ITIH1: variants seen among roughly 807,000 people sequenced by gnomAD.
ITIH1 encodes the protein inter-alpha-trypsin inhibitor heavy chain H1.
In ITIH1, 94 loss-of-function variants were observed where a neutral mutation model predicts 104.6. The ratio of observed to expected loss-of-function variants is 0.90; its 90% CI spans 0.76 to 1.07. ITIH1 has a LOEUF of 1.07. Among genes scored for constraint, ITIH1 ranks in the 50% least tolerant of loss-of-function variants. The pLI is 0.00. For missense variants in ITIH1, 1,193 were observed against 1,181.4 expected, an observed-to-expected ratio of 1.01 and a Z score of -0.14; for synonymous variants, 455 against 464.4, an observed-to-expected ratio of 0.98 and a Z score of 0.26.
intron 12 of ITIH1, 127 bp downstream of exon 12, chr3:52,785,356 C>A: frequency 1.2e-6 from 1 of 862,994 alleles, no homozygotes; most frequent in Middle Eastern, 3.6e-4. Flanking sequence ...CTCATCCCCA[C>A]CATGCCACAT....
At position 52,782,024 on chromosome 3, in the gene ITIH1, GTGACCTACGA is replaced by G; in HGVS notation, c.775_784del (p.Thr259SerfsTer25). 1 of 1,614,098 alleles carries G rather than the reference GTGACCTACGA, an allele frequency of 6.2e-7. No individual in the cohort carries two copies. Among genetic ancestry groups the G allele is most frequent in the East Asian group, 2.2e-5 (1 of 44,872 alleles). On this transcript the variant is annotated frameshift_variant, in exon 7 of 22. Transcript: ENST00000273283. LOFTEE classifies it high-confidence loss of function. ...ATCCTTACTGAACGGGCACTTCAAG[GTGACCTACGA>G]TGTCAGTCGAGACAAGATCTGCGAC...
At chr3:52,791,084 G>T (rs1699344469) in intron 20 of ITIH1, among the ~76,000 whole-genome samples, 163 bp downstream of exon 20, 1 of 152,222 alleles carries the variant, frequency 6.6e-6, no homozygotes, top group Non-Finnish European at 1.5e-5. Context: ...TGTTGGTGAG[G>T]CTGTGAGCAA....
intron 6 of ITIH1, among the ~76,000 whole-genome samples, chr3:52,780,819 C>T (rs988170535): frequency 1.4e-4 from 22 of 152,356 alleles, no homozygotes; most frequent in African/African-American, 3.8e-4. Flanking sequence ...GCCTACCCAA[C>T]GACTTGTCGC....
intron 13 of ITIH1, 102 bp from the exon 14 acceptor site, chr3:52,786,839 CGAAT>C (rs36051478): frequency 0.4 from 465,182 of 1,167,850 alleles, 95,465 homozygotes; most frequent in Admixed American, 0.55. Flanking sequence ...ACTTATGTGT[CGAAT>C]GAATGAATGA....
chr3:52,780,212 C>A, intron 5 of ITIH1, 57 bp from the exon 6 acceptor site: 2 of 1,385,610 alleles, frequency 1.4e-6, no homozygotes, highest in African/African-American at 1.4e-5. Flanking sequence ...CCAGCCTGGG[C>A]AACAAAGCAA....
In ITIH1 at chr3:52,777,637, CG is replaced by C; in HGVS notation, c.27del (p.Leu10CysfsTer47). The C allele has an allele frequency of 6.3e-7, 1 of 1,593,568 alleles. No homozygotes were observed. On this transcript the variant is annotated frameshift_variant, in exon 1 of 22. Transcript: ENST00000273283. LOFTEE classifies it high-confidence loss of function. Reference sequence around the variant, plus strand: ...GAGCATGGACGGTGCCATGGGGCCTCGGGGGCTGCTGTTGTGCATGTACCTG... The same window carrying C: ...GAGCATGGACGGTGCCATGGGGCCTCGGGGCTGCTGTTGTGCATGTACCTG... MDGAMGP[R>X]GLLLCMYLVS... is the part of the protein sequence containing the mutation.
At position 52,785,245 on chromosome 3, in the gene ITIH1, T is replaced by C. The variant is rs768613962; in HGVS notation, c.1593+16T>C. The C allele has an allele frequency of 3.5e-5, 56 of 1,611,972 alleles. No homozygotes were observed. Among genetic ancestry groups the C allele is most frequent in the Non-Finnish European group, 4.1e-5 (48 of 1,178,594 alleles). ...GGCCCATGGGGTAAATGGTGGGCCA[T>C]GGAGGGTGGAGAGGCCAGGCAGCAC... On this transcript the variant is annotated intron_variant, in intron 12 of 21. Coordinates refer to ENST00000273283, the MANE Select transcript of ITIH1 (RefSeq NM_002215.4).
At chr3:52,781,318 T>C (rs200906065) in intron 6 of ITIH1, among the ~76,000 whole-genome samples, 1 of 115,828 alleles carries the variant, frequency 8.6e-6, no homozygotes, top group African/African-American at 3.0e-5. Flanking sequence ...TTCTTCTCCT[T>C]CTCCTTCTTC....
rs760634694 is a variant in ITIH1, at chr3:52,787,548, C to T, written c.1904-44C>T. 1.2e-5 allele frequency: 19 copies of T among 1,613,142 alleles called. No individual in the cohort carries two copies. In the Admixed American group the frequency reaches 1.5e-4, roughly 13 times the overall value. On this transcript the variant is annotated intron_variant, in intron 15 of 21. Coordinates refer to ENST00000273283, the MANE Select transcript of ITIH1 (RefSeq NM_002215.4). ...GCTGCATGCCTTTCGTGTGGGGCAC[C>T]GTGGGTGACACTGTCTTCGATAATA...
At position 52,778,351 on chromosome 3, in the gene ITIH1, C is replaced by A. The variant is rs778906002; in HGVS notation, c.150C>A (p.Gly50=). ...KRQAVDTAVD[G]VFIRSLKVNC... ...ATGTCTCACTTTAGGCTGTCGATGGCGTGTTCATCCGGAGTTTGAAAGTCA... is the reference window on the plus strand; with the variant it reads ...ATGTCTCACTTTAGGCTGTCGATGGAGTGTTCATCCGGAGTTTGAAAGTCA... Residue 50 remains glycine (G), a synonymous_variant, in exon 3 of 22, where the codon GGC becomes GGA. Coordinates refer to ENST00000273283, the MANE Select transcript of ITIH1 (RefSeq NM_002215.4). The A allele has an allele frequency of 3.1e-6, 5 of 1,614,190 alleles. No homozygotes were observed. The highest frequency in any genetic ancestry group is 1.7e-5 in the Admixed American group (1 of 60,028).
At chr3:52,780,156 G>A (rs983265098) in intron 5 of ITIH1, 113 bp from the exon 6 acceptor site, 225 of 960,734 alleles carry the variant, frequency 2.3e-4, no homozygotes, top group Non-Finnish European at 4.8e-5. Context: ...TCCCAGCTAC[G>A]TGGGAGGCTG....
chr3:52,777,729 C>A lies in ITIH1; in HGVS notation c.114C>A (p.Ser38Arg). 6.3e-7 allele frequency: 1 copy of A among 1,581,860 alleles called. No homozygotes were observed. The highest frequency in any genetic ancestry group is 8.6e-7 in the Non-Finnish European group (1 of 1,164,792). Residue 38 changes from serine to arginine, a missense_variant, in exon 1 of 22, where the codon AGC becomes AGA. Coordinates refer to ENST00000273283, the MANE Select transcript of ITIH1 (RefSeq NM_002215.4). ...LGSATGRSKS[S>R]EKRQAVDTAV... ...CGGCTACAGGCAGGTCCAAGAGCAG[C>A]GAGGTATATGGCTAAGCCCACAGGG... is the stretch of plus-strand genomic sequence containing the variant.
Position 52,781,930 on chromosome 3 carries a change from AC to A in ITIH1, c.688-9del. The A allele has an allele frequency of 6.2e-7, 1 of 1,613,898 alleles. No homozygotes were observed. Among genetic ancestry groups the A allele is most frequent in the Non-Finnish European group, 8.5e-7 (1 of 1,179,938 alleles). ...AGACCAGTAATGGCTCACACTCTCG[AC>A]GGTTCCAGGGTCATGTGCTGTTCCG... On this transcript the variant is annotated splice_polypyrimidine_tract_variant and intron_variant, in intron 6 of 21. Coordinates refer to ENST00000273283, the MANE Select transcript of ITIH1 (RefSeq NM_002215.4).
At position 52,784,430 on chromosome 3, in the gene ITIH1, C is replaced by T. The variant is rs140460972; in HGVS notation, c.1360C>T (p.Arg454Trp). 6.4e-4 allele frequency: 1,031 copies of T among 1,614,138 alleles called. 5 individuals carry two copies. Among genetic ancestry groups the T allele is most frequent in the African/African-American group, 6.2e-3 (462 of 75,054 alleles). ...LEVMSMENNG[R>W]AQRIYEDHDA... ...GGTCATGTCCATGGAGAACAACGGA[C>T]GGGCCCAGAGAATCTACGAGGACCA... The change falls in exon 11 of 22, where the codon CGG becomes TGG. Residue 454 changes from arginine to tryptophan, a missense_variant. Physicochemically the swap from Arg to Trp is moderately radical, Grantham distance 101. Coordinates refer to ENST00000273283, the MANE Select transcript of ITIH1 (RefSeq NM_002215.4).
chr3:52,779,290 A>G lies in ITIH1; in HGVS notation c.411-142A>G. The G allele has an allele frequency of 1.1e-6, 1 of 945,948 alleles. No homozygotes were observed. The highest frequency in any genetic ancestry group is 1.6e-5 in the South Asian group (1 of 63,550). The allele number at this position is 945,948 out of a possible 1,614,324, so 58.6% of individuals were successfully genotyped here. ...GGGCCCTGACCCTGACCAGCCAGCT[A>G]ACACATTTGTGAGGTCCAGGGAAAC... On this transcript the variant is annotated intron_variant, in intron 4 of 21. Transcript: ENST00000273283. The surrounding 1 kb of genome is among the most constrained non-coding windows in gnomAD (Gnocchi z 4.4).
intron 12 of ITIH1, 31 bp from the exon 13 acceptor site, chr3:52,786,264 G>T (rs376152458): frequency 6.4e-7 from 1 of 1,557,610 alleles, no homozygotes. Context: ...TTATCATGGT[G>T]CACCACCCCT....
rs1437960301 is a variant in ITIH1, at chr3:52,778,494, G to C, written c.293G>C (p.Ser98Thr). 1 of 1,614,238 alleles carries C rather than the reference G, an allele frequency of 6.2e-7. No homozygotes were observed. Among genetic ancestry groups the C allele is most frequent in the Admixed American group, 1.7e-5 (1 of 60,028 alleles). Residue 98 changes from serine to threonine, a missense_variant, in exon 3 of 22, where the codon AGT becomes ACT. Ser to Thr is a moderately conservative substitution (Grantham distance 58). Coordinates refer to ENST00000273283, the MANE Select transcript of ITIH1 (RefSeq NM_002215.4). ...GAAATCCCCAAGACAGCATTCATCAGTGACTTTGCCGTGTGCGTGCCTGCC... is the reference window on the plus strand; with the variant it reads ...GAAATCCCCAAGACAGCATTCATCACTGACTTTGCCGTGTGCGTGCCTGCC... ...DLEIPKTAFI[S>T]DFAVTADGNA...
chr3:52,782,311 A>G (rs762055212), intron 8 of ITIH1, 44 bp downstream of exon 8: 2 of 1,462,996 alleles, frequency 1.4e-6, no homozygotes, highest in Non-Finnish European at 1.9e-6. Flanking sequence ...AAGCTTCCAC[A>G]GCCCCATCAC....
chr3:52,791,843 A>T lies in ITIH1; in HGVS notation c.2668A>T (p.Ile890Phe), dbSNP rs1221929377. Residue 890 changes from isoleucine (I) to phenylalanine (F), a missense_variant, in exon 22 of 22, where the codon ATT becomes TTT. Ile to Phe is a conservative substitution (Grantham distance 21). Transcript: ENST00000273283. ...WHGAEVSCWF[I>F]HNNGAGLIDG... Reference sequence around the variant, plus strand: ...TGGGGCCGAGGTGTCCTGCTGGTTCATTCACAACAATGGGGCTGGACTCAT... The same window carrying T: ...TGGGGCCGAGGTGTCCTGCTGGTTCTTTCACAACAATGGGGCTGGACTCAT... 1 of 1,614,082 alleles carries T rather than the reference A, an allele frequency of 6.2e-7. No homozygotes were observed. Among genetic ancestry groups the T allele is most frequent in the Non-Finnish European group, 8.5e-7 (1 of 1,180,036 alleles).
Sources: gnomAD v4.1 joint callset for allele counts (sites outside exome capture counted in the v4.1 genomes callset) on GRCh38, gnomAD v4.1.1 for gene constraint, Gnocchi (gnomAD v3.1) non-coding constraint, MANE v1.5 for transcripts, NCBI Gene and HGNC (gene_info 2026-07-23, HGNC 2026-07-21) for gene names.